The following UPF2 variants were observed in gnomAD, a reference collection of about 807,000 sequenced individuals.
UPF2 encodes the protein UPF2 regulator of nonsense mediated mRNA decay.
Under a neutral mutation model 141.4 loss-of-function variants are expected in UPF2, and 17 were observed. The observed-to-expected ratio is 0.12, with a 90% CI of 0.08 to 0.18. The LOEUF is 0.18. Among genes scored for constraint, UPF2 ranks in the 10% least tolerant of loss-of-function variants. The pLI, the probability that UPF2 is intolerant of heterozygous loss-of-function variation, is 1.00. For synonymous variants in UPF2, 540 were observed against 498.0 expected, an observed-to-expected ratio of 1.08 and a Z score of -1.12; for missense variants, 1,152 against 1,515.9, an observed-to-expected ratio of 0.76 and a Z score of 3.99.
intron 10 of UPF2, among the ~76,000 whole-genome samples, chr10:11,966,591 A>C (rs865996277): frequency 1.3e-5 from 2 of 151,980 alleles, no homozygotes; most frequent in South Asian, 4.2e-4. Flanking sequence ...TGCCTGGCTA[A>C]TTTTGTATTT....
intron 19 of UPF2, among the ~76,000 whole-genome samples, chr10:11,934,088 G>A (rs1180625529): frequency 6.6e-6 from 1 of 152,138 alleles, no homozygotes; most frequent in African/African-American, 2.4e-5. Context: ...CGGTGATGGG[G>A]GGAATGGAGG....
At chr10:11,978,928 C>T in intron 9 of UPF2, 129 bp downstream of exon 9, 1 of 690,638 alleles carries the variant, frequency 1.4e-6, no homozygotes, top group East Asian at 2.8e-5. Context: ...ATTTAGAATG[C>T]CGTAAATTCT....
intron 5 of UPF2, among the ~76,000 whole-genome samples, chr10:12,003,823 G>T (rs1473040775): frequency 7.1e-6 from 1 of 139,982 alleles, no homozygotes; most frequent in Non-Finnish European, 1.5e-5. Context: ...TACTTGGGAG[G>T]CTAAAGCAGG....
Position 11,931,825 on chromosome 10 carries a change from C to T in UPF2, c.3547-43G>A, listed in dbSNP as rs769858205. On this transcript the variant is annotated intron_variant, in intron 19 of 21. Transcript: ENST00000357604. The surrounding 1 kb of genome is among the most constrained non-coding windows in gnomAD (Gnocchi z 5.9). ...AGGAGTTACAAATAGTTTGAGAACA[C>T]TGAGAGAAAGAAAAAACAGACTTCA... is the stretch of plus-strand genomic sequence containing the variant. The T allele has an allele frequency of 1.3e-6, 2 of 1,562,836 alleles. No homozygotes were observed. Among genetic ancestry groups the T allele is most frequent in the Non-Finnish European group, 1.7e-6 (2 of 1,160,268 alleles).
At chr10:11,984,046 C>T (rs1476014344) in intron 8 of UPF2, among the ~76,000 whole-genome samples, 1 of 152,050 alleles carries the variant, frequency 6.6e-6, no homozygotes, top group Non-Finnish European at 1.5e-5. Context: ...GCCTCAGCCT[C>T]CTGAGTAGCT....
At chr10:11,938,867 T>TTGTTTTTTTTTTTG (rs1832895840) in intron 18 of UPF2, among the ~76,000 whole-genome samples, 2 of 103,358 alleles carry the variant, frequency 1.9e-5, no homozygotes, top group African/African-American at 3.5e-5. Flanking sequence ...TTTTTTTTTT[T>TTGTTTTTTTTTTTG]TTTTTTTTTT....
chr10:11,989,419 G>C (rs938179350), intron 8 of UPF2, among the ~76,000 whole-genome samples: 1 of 152,168 alleles, frequency 6.6e-6, no homozygotes, highest in African/African-American at 2.4e-5. Context: ...AGGAGTTCAA[G>C]AGCAGCCTGG....
At chr10:12,030,228 AC>A (rs1055149961) in intron 2 of UPF2, among the ~76,000 whole-genome samples, 13 of 152,164 alleles carry the variant, frequency 8.5e-5, no homozygotes, top group African/African-American at 2.9e-4. Flanking sequence ...AGAAAAAAAA[AC>A]AATTATACAC....
intron 8 of UPF2, among the ~76,000 whole-genome samples, chr10:11,984,351 TA>T (rs1187019599): frequency 1.4e-4 from 21 of 152,352 alleles, no homozygotes; most frequent in African/African-American, 4.8e-4. Flanking sequence ...GGTTTTAAAA[TA>T]TTTTAAGCGT....
chr10:11,938,407 A>G (rs1370250031), intron 18 of UPF2, among the ~76,000 whole-genome samples: 1 of 152,074 alleles, frequency 6.6e-6, no homozygotes, highest in Non-Finnish European at 1.5e-5. Flanking sequence ...ACTAGGGGTA[A>G]ATTTTTAGAT....
intron 8 of UPF2, among the ~76,000 whole-genome samples, chr10:11,984,056 T>C: frequency 6.6e-6 from 1 of 152,106 alleles, no homozygotes. Context: ...CCTGAGTAGC[T>C]GGGATTACAG....
In UPF2 at chr10:11,962,968, G is replaced by A. The variant is rs144206814; in HGVS notation, c.2184+1041C>T. 3.4e-4 allele frequency among the ~76,000 whole-genome samples: 52 copies of A among 152,038 alleles called. No homozygotes were observed. In the East Asian group the frequency reaches 8.9e-3, roughly 26 times the overall value. On this transcript the variant is annotated intron_variant, in intron 11 of 21. Transcript: ENST00000357604. ...TTAGGCTTATACATTAAATCATAAT[G>A]TATTTTTTTTTAATTTCCCATAATG...
chr10:12,036,974 A>C (rs1052355577), intron 1 of UPF2, among the ~76,000 whole-genome samples: 15 of 152,338 alleles, frequency 9.8e-5, no homozygotes, highest in African/African-American at 3.4e-4. Flanking sequence ...GTAATGAGCC[A>C]AGATCACGCC....
chr10:11,994,215 C>T (rs73573532), intron 8 of UPF2, among the ~76,000 whole-genome samples: 8,532 of 151,978 alleles, frequency 0.056, 291 homozygotes, highest in Non-Finnish European at 0.08. Context: ...GCTAACATAA[C>T]CACGAGGAGA....
At chr10:11,991,600 T>C (rs1314195621) in intron 8 of UPF2, among the ~76,000 whole-genome samples, 1 of 152,118 alleles carries the variant, frequency 6.6e-6, no homozygotes, top group Non-Finnish European at 1.5e-5. Context: ...TGGGCAGCCA[T>C]TTAAATGACC....
In UPF2 at chr10:11,999,123, A is replaced by C. The variant is rs543835455; in HGVS notation, c.1758+783T>G. On this transcript the variant is annotated intron_variant, in intron 7 of 21. Transcript: ENST00000357604. The stretch of plus-strand genomic sequence containing the variant: ...ATTGCAAATGCATGGTGAAAATATA[A>C]TGCTAGTATAATTTGGTACCACTAC... Among the ~76,000 whole-genome samples the C allele has an allele frequency of 2.6e-5, 4 of 152,248 alleles. No individual in the cohort carries two copies. In the East Asian group the frequency reaches 7.7e-4, roughly 29 times the overall value.
intron 10 of UPF2, among the ~76,000 whole-genome samples, chr10:11,966,768 G>C (rs1158011556): frequency 6.6e-6 from 1 of 152,188 alleles, no homozygotes. Flanking sequence ...AAGTGTTACA[G>C]GTTGAACTTA....
rs1834216091 is a variant in UPF2 at position 12,016,166 on chromosome 10, T to A, written c.1146-1982A>T. Among the ~76,000 whole-genome samples the A allele has an allele frequency of 6.6e-6, 1 of 152,168 alleles. No individual in the cohort carries two copies. Among genetic ancestry groups the A allele is most frequent in the Admixed American group, 6.6e-5 (1 of 15,264 alleles). ...ACTCTGAGCTTGTTAAAACTTTTAA[T>A]CAGAAGTTCTAATAGAACTCATTTT... On this transcript the variant is annotated intron_variant, in intron 3 of 21. Coordinates refer to ENST00000357604, the MANE Select transcript of UPF2 (RefSeq NM_015542.4). The surrounding 1 kb of genome is among the most constrained non-coding windows in gnomAD (Gnocchi z 4.1).
intron 8 of UPF2, among the ~76,000 whole-genome samples, chr10:11,987,968 A>G (rs2131244241): frequency 6.6e-6 from 1 of 152,304 alleles, no homozygotes; most frequent in African/African-American, 2.4e-5. Flanking sequence ...GCAAGTGAAA[A>G]GACAACTCAG....
Sources: gnomAD v4.1 joint callset for allele counts (sites outside exome capture counted in the v4.1 genomes callset) on GRCh38, gnomAD v4.1.1 for gene constraint, Gnocchi (gnomAD v3.1) non-coding constraint, MANE v1.5 for transcripts, NCBI Gene and HGNC (gene_info 2026-07-23, HGNC 2026-07-21) for gene names.